Variants in PRAG1 observed in about 807,000 individuals in gnomAD.
The protein encoded by PRAG1 is inactive tyrosine-protein kinase PRAG1.
A neutral mutation model predicts 95.6 loss-of-function variants in PRAG1; 110 were observed. The observed-to-expected ratio is 1.15, with a 90% CI of 0.99 to 1.35. The LOEUF is 1.35. Ranked by LOEUF, PRAG1 falls within the 40% of genes most tolerant of loss-of-function variation. PRAG1 has a pLI of 0.00. For synonymous variants in PRAG1, 1,052 were observed against 819.4 expected, an observed-to-expected ratio of 1.28 and a Z score of -4.85; for missense variants, 2,554 against 1,864.7, an observed-to-expected ratio of 1.37 and a Z score of -6.81.
At chr8:8,338,380 A>G (rs1001321872) in intron 4 of PRAG1, among the ~76,000 whole-genome samples, 6 of 152,228 alleles carry the variant, frequency 3.9e-5, no homozygotes, top group African/African-American at 1.4e-4. Context: ...AGAACTGGTT[A>G]CAATCTCCAA....
chr8:8,373,454 A>ATTTTTTTTTTTTT lies in PRAG1; in HGVS notation c.2162+2780_2162+2792dup, dbSNP rs796490286. ...CTCTTAAGCTAATTTTATTTTCTAG[A>ATTTTTTTTTTTTT]TTTTTTTTTTTTTGAGACAGGGTCT... is the stretch of plus-strand genomic sequence containing the variant. On this transcript the variant is annotated intron_variant, in intron 3 of 5. Coordinates refer to ENST00000615670, the MANE Select transcript of PRAG1 (RefSeq NM_001080826.3). Among the ~76,000 whole-genome samples the ATTTTTTTTTTTTT allele has an allele frequency of 6.1e-4, 85 of 138,298 alleles. 4 individuals are homozygous for ATTTTTTTTTTTTT. Among genetic ancestry groups the ATTTTTTTTTTTTT allele is most frequent in the African/African-American group, 1.1e-3 (39 of 36,370 alleles). The allele number at this position is 138,298 out of a possible 152,430, so 90.7% of individuals were successfully genotyped here. A position where few individuals can be genotyped will look rare whatever the true frequency, so the allele number is the denominator to read the frequency against.
chr8:8,376,807 G>C lies in PRAG1; in HGVS notation c.1602C>G (p.Ser534Arg). The C allele has an allele frequency of 1.2e-6, 2 of 1,611,674 alleles. No homozygotes were observed. The highest frequency in any genetic ancestry group is 1.7e-6 in the Non-Finnish European group (2 of 1,179,796). ...SSRESHAHSA[S>R]ESKPKERPAI... ...CGGGCCTCTCCTTGGGCTTGCTCTC[G>C]CTGGCACTGTGAGCATGGCTTTCCC... Residue 534 changes from serine (S) to arginine (R), a missense_variant, in exon 3 of 6, where the codon AGC (serine) becomes AGG (arginine). Ser to Arg is a moderately radical substitution (Grantham distance 110, BLOSUM62 -1). Coordinates refer to ENST00000615670, the MANE Select transcript of PRAG1 (RefSeq NM_001080826.3).
At chr8:8,343,524 G>A (rs1434529641) in intron 3 of PRAG1, among the ~76,000 whole-genome samples, 3 of 152,236 alleles carry the variant, frequency 2.0e-5, no homozygotes, top group African/African-American at 4.8e-5. Flanking sequence ...GAAAGGATTT[G>A]TGAAACTTTG....
intron 5 of PRAG1, among the ~76,000 whole-genome samples, chr8:8,323,738 CTG>C (rs1798542350): frequency 6.6e-6 from 1 of 152,140 alleles, no homozygotes; most frequent in Non-Finnish European, 1.5e-5. Context: ...CCATGCTGAA[CTG>C]TGAGTCAATT....
intron 3 of PRAG1, among the ~76,000 whole-genome samples, chr8:8,366,858 T>C (rs1324321682): frequency 1.3e-5 from 2 of 150,898 alleles, no homozygotes; most frequent in East Asian, 4.0e-4. Context: ...TTGTAATTTT[T>C]TTTGAGGTAG....
chr8:8,323,888 T>A (rs1475138778), intron 5 of PRAG1, among the ~76,000 whole-genome samples: 1 of 152,184 alleles, frequency 6.6e-6, no homozygotes, highest in Non-Finnish European at 1.5e-5. Flanking sequence ...GAGTATTGAT[T>A]TTGGAATTAC....
rs1798687335 is a variant in PRAG1 at position 8,327,981 on chromosome 8, G to A, written c.2801C>T (p.Thr934Ile). Residue 934 changes from threonine (T) to isoleucine (I), a missense_variant, in exon 5 of 6, where the codon ACC becomes ATC. Transcript: ENST00000615670. ...SVSSQASTGS[T>I]QLQLHGLLSN... Reference sequence around the variant, plus strand: ...CAGGAGACCGTGCAGCTGAAGCTGGGTGCTCCCGGTGGAGGCTTGACTGGA... The same window carrying A: ...CAGGAGACCGTGCAGCTGAAGCTGGATGCTCCCGGTGGAGGCTTGACTGGA... 1 of 1,599,094 alleles carries A rather than the reference G, an allele frequency of 6.3e-7. No homozygotes were observed. Among genetic ancestry groups the A allele is most frequent in the Non-Finnish European group, 8.5e-7 (1 of 1,171,334 alleles).
chr8:8,374,870 C>T (rs1800327179), intron 3 of PRAG1: 1 of 171,582 alleles, frequency 5.8e-6, no homozygotes, highest in Non-Finnish European at 1.2e-5. Context: ...TCTCTGTGGT[C>T]AATTTCCTTG....
Position 8,319,108 on chromosome 8 carries a change from C to A in PRAG1, c.3267G>T (p.Val1089=). The A allele has an allele frequency of 1.9e-6, 3 of 1,609,338 alleles. No individual in the cohort carries two copies. The highest frequency in any genetic ancestry group is 2.5e-6 in the Non-Finnish European group (3 of 1,179,232). ...HPPAQEQDCV[V]VITREVPHQT... ...GATGTGGCACCTCTCGGGTGATGAC[C>A]ACCACGCAGTCCTGCTCCTGGGCAG... The change falls in exon 6 of 6, where the codon GTG becomes GTT. Residue 1089 remains valine (V), a synonymous_variant. Transcript: ENST00000615670.
rs1355079318 is a variant in PRAG1, at chr8:8,376,547, G to C, written c.1862C>G (p.Ser621Trp). 4.3e-6 allele frequency: 7 copies of C among 1,609,194 alleles called. No individual in the cohort carries two copies. Among genetic ancestry groups the C allele is most frequent in the Non-Finnish European group, 5.9e-6 (7 of 1,176,646 alleles). ...CTGGAACCTGGGCCGCCTCTGTTCC[G>C]AGGCTGACGAGGCGGCAGGCTGGGG... ...RCPQPAASSA[S>W]EQRRPRFQAG... Residue 621 changes from serine (S) to tryptophan (W), a missense_variant, in exon 3 of 6, where the codon TCG becomes TGG. Ser to Trp is a radical substitution (Grantham distance 177). Coordinates refer to ENST00000615670, the MANE Select transcript of PRAG1 (RefSeq NM_001080826.3).
In PRAG1 at chr8:8,367,727, C is replaced by T. The variant is rs561239697; in HGVS notation, c.2162+8520G>A. ...CGTGATCTCAGCTCACTGCAAGCTCCGCCTCCTGAGTTCAAGCAATTCTCC... is the reference window on the plus strand; with the variant it reads ...CGTGATCTCAGCTCACTGCAAGCTCTGCCTCCTGAGTTCAAGCAATTCTCC... On this transcript the variant is annotated intron_variant, in intron 3 of 5. Transcript: ENST00000615670. 9.9e-5 allele frequency among the ~76,000 whole-genome samples: 15 copies of T among 151,976 alleles called. No individual in the cohort carries two copies. The South Asian group carries it at 2.7e-3, about 27-fold the overall frequency.
chr8:8,345,306 G>A (rs1215369699), intron 3 of PRAG1, among the ~76,000 whole-genome samples: 1 of 150,296 alleles, frequency 6.7e-6, no homozygotes. Flanking sequence ...CGAGGTGGGA[G>A]GATCACTTGA....
intron 3 of PRAG1, among the ~76,000 whole-genome samples, chr8:8,346,561 G>A (rs1485854200): frequency 6.6e-6 from 1 of 152,114 alleles, no homozygotes; most frequent in Non-Finnish European, 1.5e-5. Context: ...TATGTTGGTG[G>A]AAAGCTGGAA....
At chr8:8,332,554 G>A (rs1205175675) in intron 4 of PRAG1, among the ~76,000 whole-genome samples, 6 of 151,990 alleles carry the variant, frequency 3.9e-5, no homozygotes, top group African/African-American at 1.5e-4. Context: ...CTGAGTTTAC[G>A]GATCCTTAAA....
intron 4 of PRAG1, among the ~76,000 whole-genome samples, chr8:8,338,372 A>G (rs902513034): frequency 2.6e-5 from 4 of 152,204 alleles, no homozygotes; most frequent in African/African-American, 9.7e-5. Flanking sequence ...CACTCCCCAG[A>G]ACTGGTTACA....
chr8:8,384,044 G>A (rs1351090822), intron 1 of PRAG1, among the ~76,000 whole-genome samples: 3 of 152,140 alleles, frequency 2.0e-5, no homozygotes, highest in African/African-American at 4.8e-5. Flanking sequence ...CCTGCTCCGC[G>A]GGATGGAGGA....
Position 8,377,736 on chromosome 8 carries a change from G to A in PRAG1, c.673C>T (p.Pro225Ser). The A allele has an allele frequency of 6.2e-7, 1 of 1,614,084 alleles. No homozygotes were observed. ...GGCAGGGATTCCCGCAGGGGCCCAG[G>A]GCCCTGGTGACAGCCAGATGTGGTC... Reference protein sequence around the residue: ...AGTTSGCHQGPGPLRESLPSE... With the variant: ...AGTTSGCHQGSGPLRESLPSE... The change falls in exon 3 of 6, where the codon CCT (proline) becomes TCT (serine). Residue 225 changes from proline to serine, a missense_variant. Pro to Ser is a moderately conservative substitution (Grantham distance 74). Coordinates refer to ENST00000615670, the MANE Select transcript of PRAG1 (RefSeq NM_001080826.3).
At chr8:8,326,548 C>A (rs554229945) in intron 5 of PRAG1, among the ~76,000 whole-genome samples, 1 of 152,176 alleles carries the variant, frequency 6.6e-6, no homozygotes, top group East Asian at 1.9e-4. Context: ...ACAGGAAGGA[C>A]TGGAGTTCAT....
rs551220892 is a variant in PRAG1, at chr8:8,362,058, T to C, written c.2162+14189A>G. Among the ~76,000 whole-genome samples, 5 of 152,262 alleles carry C rather than the reference T, an allele frequency of 3.3e-5. No individual in the cohort carries two copies. The East Asian group carries it at 9.7e-4, about 29-fold the overall frequency. ...AATTCCTAACCTCACGCACTTGAGG[T>C]TTCATTTTCCCTGGGGAGGATCTTA... is the stretch of plus-strand genomic sequence containing the variant. On this transcript the variant is annotated intron_variant, in intron 3 of 5. Coordinates refer to ENST00000615670, the MANE Select transcript of PRAG1 (RefSeq NM_001080826.3).
Sources: gnomAD v4.1 joint callset for allele counts (sites outside exome capture counted in the v4.1 genomes callset) on GRCh38, gnomAD v4.1.1 for gene constraint, MANE v1.5 for transcripts, NCBI Gene and HGNC (gene_info 2026-07-23, HGNC 2026-07-21) for gene names.